Variants in OSR2 observed in about 807,000 individuals in gnomAD.
The protein encoded by OSR2 is protein odd-skipped-related 2.
OSR2 carries 8 observed loss-of-function variants against 22.3 expected under a neutral mutation model. The observed-to-expected ratio is 0.36, with a 90% CI of 0.21 to 0.65. The LOEUF (loss-of-function observed/expected upper bound fraction) is 0.65, where lower values mean the gene tolerates loss of function less well. Ranked by LOEUF, OSR2 falls within the 30% of genes least tolerant of loss-of-function variation. The pLI is 0.66. For missense variants in OSR2, 311 were observed against 413.4 expected (o/e 0.75, Z 2.15); for synonymous variants, 179 against 173.8 (o/e 1.03, Z -0.23).
Position 98,948,458 on chromosome 8 carries a change from A to C in OSR2, c.-114-381A>C, listed in dbSNP as rs1840676206. 2 of 1,023,492 alleles carry C rather than the reference A, an allele frequency of 2.0e-6. No homozygotes were observed. The highest frequency in any genetic ancestry group is 1.1e-4 in the East Asian group (1 of 9,052). 63.4% of individuals were successfully genotyped at this position (1,023,492 alleles called of 1,614,324 possible). ...CCTGCTAGCATTGGCATTGCGGTTG[A>C]CTGAGCTTCGCCTAACAGGCTTGGG... is the stretch of plus-strand genomic sequence containing the variant. On this transcript the variant is annotated intron_variant, in intron 1 of 3. Coordinates refer to ENST00000297565, the MANE Select transcript of OSR2 (RefSeq NM_001142462.3). This position sits in a 1 kb window ranked among gnomAD's most constrained non-coding sequence, Gnocchi z 6.0.
chr8:98,946,563 A>G (rs997794896), intron 1 of OSR2, among the ~76,000 whole-genome samples: 1 of 151,198 alleles, frequency 6.6e-6, no homozygotes, highest in African/African-American at 2.4e-5. Flanking sequence ...ATGAAATAGC[A>G]CTTTTTTTTT....
chr8:98,951,105 G>A (rs1840768896), intron 3 of OSR2: 1 of 501,010 alleles, frequency 2.0e-6, no homozygotes, highest in African/African-American at 2.0e-5. Context: ...TTTCCCAAGG[G>A]CCTCATAATT....
Position 98,948,707 on chromosome 8 carries a change from G to A in OSR2, c.-114-132G>A, listed in dbSNP as rs540849670. ...CCAAGGTGCCACGCAGTCCCCTCAC[G>A]GCTTTCGGGGGGTCTTGGAGTCGGG... On this transcript the variant is annotated intron_variant, in intron 1 of 3. Coordinates refer to ENST00000297565, the MANE Select transcript of OSR2 (RefSeq NM_001142462.3). The surrounding 1 kb of genome is among the most constrained non-coding windows in gnomAD (Gnocchi z 6.0). 65 of 1,203,060 alleles carry A rather than the reference G, an allele frequency of 5.4e-5. No homozygotes were observed. The Admixed American group carries it at 1.8e-3, about 33-fold the overall frequency. 74.5% of individuals were successfully genotyped at this position (1,203,060 alleles called of 1,614,324 possible).
Position 98,951,630 on chromosome 8 carries a change from G to C in OSR2, c.868G>C (p.Gly290Arg), listed in dbSNP as rs746351171. 1 of 1,613,984 alleles carries C rather than the reference G, an allele frequency of 6.2e-7. No individual in the cohort carries two copies. Among genetic ancestry groups the C allele is most frequent in the East Asian group, 2.2e-5 (1 of 44,882 alleles). The change falls in exon 4 of 4, where the codon GGC becomes CGC. Residue 290 changes from glycine (G) to arginine (R), a missense_variant. Physicochemically the swap from Gly to Arg is moderately radical, Grantham distance 125 (BLOSUM62 -2). Coordinates refer to ENST00000297565, the MANE Select transcript of OSR2 (RefSeq NM_001142462.3). ...CAAGCCCTACAGCTGCGAGCAGTGC[G>C]GCAAAGTGTTCAGGCGAAACTGTGA... ...DIKPYSCEQC[G>R]KVFRRNCDLR... is the part of the protein sequence containing the mutation.
chr8:98,950,844 T>C (rs1329230777), intron 3 of OSR2, 89 bp downstream of exon 3: 1 of 817,986 alleles, frequency 1.2e-6, no homozygotes, highest in Non-Finnish European at 2.1e-6. Context: ...ACTCTTTCTC[T>C]TAAAAGGCTC....
At position 98,948,743 on chromosome 8, in the gene OSR2, G is replaced by T; in HGVS notation, c.-114-96G>T. The T allele has an allele frequency of 7.3e-7, 1 of 1,378,466 alleles. No homozygotes were observed. The highest frequency in any genetic ancestry group is 9.6e-7 in the Non-Finnish European group (1 of 1,040,560). The allele number at this position is 1,378,466 out of a possible 1,614,324, so 85.4% of individuals were successfully genotyped here. A position where few individuals can be genotyped will look rare whatever the true frequency, so the allele number is the denominator to read the frequency against. ...GGTCTTGGAGTCGGGTGGGGAGGGA[G>T]ACTTAGGTGTGGTAACCTGCGCAGG... On this transcript the variant is annotated intron_variant, in intron 1 of 3. Coordinates refer to ENST00000297565, the MANE Select transcript of OSR2 (RefSeq NM_001142462.3). The surrounding 1 kb of genome is among the most constrained non-coding windows in gnomAD (Gnocchi z 6.0).
intron 1 of OSR2, among the ~76,000 whole-genome samples, chr8:98,947,532 A>T (rs1309644075): frequency 1.3e-5 from 2 of 152,130 alleles, no homozygotes; most frequent in Non-Finnish European, 2.9e-5. Flanking sequence ...CTCAGAGGGA[A>T]GGCCCTGGTC....
At position 98,951,758 on chromosome 8, in the gene OSR2, C is replaced by T. The variant is rs1234660641; in HGVS notation, c.*57C>T. On this transcript the variant is annotated 3_prime_UTR_variant, in exon 4 of 4. Transcript: ENST00000297565. ...GCTCCCCTCCCCAGACACCTCTCCA[C>T]GTCTCCTACCCAGGGGGTCGCATCC... 3.9e-6 allele frequency: 6 copies of T among 1,534,496 alleles called. No homozygotes were observed. Among genetic ancestry groups the T allele is most frequent in the East Asian group, 2.4e-5 (1 of 41,608 alleles).
intron 1 of OSR2, among the ~76,000 whole-genome samples, chr8:98,945,404 G>A (rs1244432901): frequency 6.6e-6 from 1 of 152,250 alleles, no homozygotes. Context: ...GAAACGGCAA[G>A]TGAGAAAGGA....
chr8:98,948,706 C>A lies in OSR2; in HGVS notation c.-114-133C>A. On this transcript the variant is annotated intron_variant, in intron 1 of 3. Transcript: ENST00000297565. The surrounding 1 kb of genome is among the most constrained non-coding windows in gnomAD (Gnocchi z 6.0). Reference sequence around the variant, plus strand: ...GCCAAGGTGCCACGCAGTCCCCTCACGGCTTTCGGGGGGTCTTGGAGTCGG... The same window carrying A: ...GCCAAGGTGCCACGCAGTCCCCTCAAGGCTTTCGGGGGGTCTTGGAGTCGG... The A allele has an allele frequency of 8.4e-7, 1 of 1,194,000 alleles. No individual in the cohort carries two copies. The highest frequency in any genetic ancestry group is 1.1e-6 in the Non-Finnish European group (1 of 878,554). The allele number at this position is 1,194,000 out of a possible 1,614,324, so 74.0% of individuals were successfully genotyped here. A position where few individuals can be genotyped will look rare whatever the true frequency, so the allele number is the denominator to read the frequency against.
intron 1 of OSR2, among the ~76,000 whole-genome samples, chr8:98,947,726 C>T (rs1301738405): frequency 1.3e-5 from 2 of 152,156 alleles, no homozygotes; most frequent in Non-Finnish European, 2.9e-5. Context: ...GGTGGTGGGA[C>T]CGCAGCCGCA....
Position 98,949,063 on chromosome 8 carries a change from G to T in OSR2, c.111G>T (p.Leu37=), listed in dbSNP as rs745874948. 1 of 1,613,906 alleles carries T rather than the reference G, an allele frequency of 6.2e-7. No individual in the cohort carries two copies. Among genetic ancestry groups the T allele is most frequent in the Non-Finnish European group, 8.5e-7 (1 of 1,179,884 alleles). The change falls in exon 2 of 4, where the codon CTG becomes CTT. Residue 37 remains leucine, a synonymous_variant. Coordinates refer to ENST00000297565, the MANE Select transcript of OSR2 (RefSeq NM_001142462.3). The surrounding 1 kb of genome is among the most constrained non-coding windows in gnomAD (Gnocchi z 5.9). The part of the protein sequence containing the change: ...VNTFPATVDH[L]QGLYGLSAVQ... ...CCTTCCCGGCCACGGTGGACCACCT[G>T]CAGGGCCTGTACGGTCTCAGCGCGG...
Position 98,948,841 on chromosome 8 carries a change from CT to C in OSR2, c.-109del. 1 of 1,591,466 alleles carries C rather than the reference CT, an allele frequency of 6.3e-7. No homozygotes were observed. The highest frequency in any genetic ancestry group is 8.5e-7 in the Non-Finnish European group (1 of 1,170,174). On this transcript the variant is annotated 5_prime_UTR_variant, in exon 2 of 4. Transcript: ENST00000297565. This position sits in a 1 kb window ranked among gnomAD's most constrained non-coding sequence, Gnocchi z 6.0. ...CCTCTCTTCCCTGCCATTTTTAGGG[CT>C]TTCTCTACGTGCTGTTGTCTCACTG...
chr8:98,949,372 C>T lies in OSR2; in HGVS notation c.420C>T (p.Ser140=). Residue 140 remains serine (S), a synonymous_variant, in exon 2 of 4, where the codon AGC becomes AGT. Coordinates refer to ENST00000297565, the MANE Select transcript of OSR2 (RefSeq NM_001142462.3). This position sits in a 1 kb window ranked among gnomAD's most constrained non-coding sequence, Gnocchi z 5.9. ...PPKMGDLSKL[S]PGLGSPISGL... Reference sequence around the variant, plus strand: ...AGATGGGAGACCTGAGCAAGCTGAGCCCAGGACTGGGTAGCCCCATCTCGG... The same window carrying T: ...AGATGGGAGACCTGAGCAAGCTGAGTCCAGGACTGGGTAGCCCCATCTCGG... 1.2e-6 allele frequency: 2 copies of T among 1,612,938 alleles called. No individual in the cohort carries two copies. The highest frequency in any genetic ancestry group is 1.7e-6 in the Non-Finnish European group (2 of 1,179,246).
Position 98,948,934 on chromosome 8 carries a change from A to G in OSR2, c.-19A>G. 1 of 1,613,204 alleles carries G rather than the reference A, an allele frequency of 6.2e-7. No homozygotes were observed. The highest frequency in any genetic ancestry group is 1.1e-5 in the South Asian group (1 of 91,048). On this transcript the variant is annotated 5_prime_UTR_variant, in exon 2 of 4. Coordinates refer to ENST00000297565, the MANE Select transcript of OSR2 (RefSeq NM_001142462.3). This position sits in a 1 kb window ranked among gnomAD's most constrained non-coding sequence, Gnocchi z 6.0. ...GGAAGAAAGGGTTGGTCCCCTCAGCACCCCCAGCATCCCGGAAAATGGGGA... is the reference window on the plus strand; with the variant it reads ...GGAAGAAAGGGTTGGTCCCCTCAGCGCCCCCAGCATCCCGGAAAATGGGGA...
At chr8:98,945,524 C>G (rs1840585071) in intron 1 of OSR2, among the ~76,000 whole-genome samples, 1 of 152,150 alleles carries the variant, frequency 6.6e-6, no homozygotes, top group Non-Finnish European at 1.5e-5. Context: ...TTTCCCGAAG[C>G]GAAAGGGCGC....
rs1213347042 is a variant in OSR2 at position 98,949,778 on chromosome 8, C to A, written c.656+170C>A. Among the ~76,000 whole-genome samples, 2 of 152,218 alleles carry A rather than the reference C, an allele frequency of 1.3e-5. No individual in the cohort carries two copies. The highest frequency in any genetic ancestry group is 2.4e-5 in the African/African-American group (1 of 41,456). ...AATTCCCAACATCTACCCTTTCTTTCCCCCAGCGGCTCTTGCTACGTTCTT... is the reference window on the plus strand; with the variant it reads ...AATTCCCAACATCTACCCTTTCTTTACCCCAGCGGCTCTTGCTACGTTCTT... On this transcript the variant is annotated intron_variant, in intron 2 of 3. Transcript: ENST00000297565. The surrounding 1 kb of genome is among the most constrained non-coding windows in gnomAD (Gnocchi z 5.9).
In OSR2 at chr8:98,952,092, G is replaced by A. The variant is rs924597473; in HGVS notation, c.*391G>A. ...TTCAAAATAAAACTTTTTCTTGTTT[G>A]TTTCAAAACTCCTGCAAAGGTGTCT... On this transcript the variant is annotated 3_prime_UTR_variant, in exon 4 of 4. Transcript: ENST00000297565. 1 of 159,716 alleles carries A rather than the reference G, an allele frequency of 6.3e-6. No homozygotes were observed. Among genetic ancestry groups the A allele is most frequent in the Non-Finnish European group, 1.4e-5 (1 of 72,654 alleles). The allele number at this position is 159,716 out of a possible 1,614,324, so 9.9% of individuals were successfully genotyped here.
chr8:98,950,445 G>A (rs1840748255), intron 2 of OSR2, among the ~76,000 whole-genome samples: 1 of 152,018 alleles, frequency 6.6e-6, no homozygotes, highest in Admixed American at 6.5e-5. Flanking sequence ...GCGATCAAGT[G>A]TAGATAAAGC....
Sources: gnomAD v4.1 joint callset for allele counts (sites outside exome capture counted in the v4.1 genomes callset) on GRCh38, gnomAD v4.1.1 for gene constraint, Gnocchi (gnomAD v3.1) non-coding constraint, MANE v1.5 for transcripts, NCBI Gene and HGNC (gene_info 2026-07-23, HGNC 2026-07-21) for gene names.